Variants in BCL11A observed in about 807,000 individuals in gnomAD.
BCL11A encodes the protein B cell CLL/lymphoma 11A.
In BCL11A, 2 loss-of-function variants were observed where a neutral mutation model predicts 55.9. The ratio of observed to expected loss-of-function variants is 0.04; its 90% confidence interval spans 0.01 to 0.11. BCL11A has a LOEUF of 0.11. BCL11A is among the 10% of genes least tolerant of loss of function. The pLI is 1.00. For missense variants in BCL11A, 817 were observed against 1,137.1 expected (o/e 0.72, Z 4.05); for synonymous variants, 465 against 473.4 (o/e 0.98, Z 0.23).
intron 2 of BCL11A, among the ~76,000 whole-genome samples, chr2:60,494,878 G>T (rs1194734279): frequency 6.6e-6 from 1 of 152,162 alleles, no homozygotes; most frequent in Non-Finnish European, 1.5e-5. Flanking sequence ...AAAGGGAAAA[G>T]GGAGAGGAAA....
At chr2:60,467,813 C>G (rs941469397) in intron 3 of BCL11A, among the ~76,000 whole-genome samples, 2,222 of 46,708 alleles carry the variant, frequency 0.048, 11 homozygotes, top group East Asian at 0.26. Flanking sequence ...GGTGATGGTA[C>G]TGGTGGTGAT....
Position 60,546,835 on chromosome 2 carries a change from A to G in BCL11A, c.56-535T>C, listed in dbSNP as rs1047368211. 6.6e-6 allele frequency among the ~76,000 whole-genome samples: 1 copy of G among 151,276 alleles called. No homozygotes were observed. Among genetic ancestry groups the G allele is most frequent in the Admixed American group, 6.6e-5 (1 of 15,160 alleles). On this transcript the variant is annotated intron_variant, in intron 1 of 3. Coordinates refer to ENST00000642384, the MANE Select transcript of BCL11A (RefSeq NM_022893.4). The surrounding 1 kb of genome is among the most constrained non-coding windows in gnomAD (Gnocchi z 4.1). ...TGTATATACTCCTAAGTAAACAGAC[A>G]TGGCTTCATAAATTAGAAAGCTACT...
chr2:60,467,189 ATGG>A (rs1206647252), intron 3 of BCL11A, among the ~76,000 whole-genome samples: 3 of 51,168 alleles, frequency 5.9e-5, no homozygotes, highest in African/African-American at 1.6e-4. Flanking sequence ...GGTGGTGGTG[ATGG>A]TGGTGGTGAT....
rs139038738 is a variant in BCL11A, at chr2:60,461,726, G to T, written c.1186C>A (p.Arg396=). The T allele has an allele frequency of 2.9e-5, 46 of 1,614,036 alleles. No individual in the cohort carries two copies. Among genetic ancestry groups the T allele is most frequent in the Admixed American group, 2.8e-4 (17 of 60,032 alleles). ...FKFQSNLVVH[R]RSHTGEKPYK... Reference sequence around the variant, plus strand: ...GGCTTCTCGCCCGTGTGGCTGCGCCGGTGCACCACCAGGTTGCTCTGAAAT... The same window carrying T: ...GGCTTCTCGCCCGTGTGGCTGCGCCTGTGCACCACCAGGTTGCTCTGAAAT... Residue 396 remains arginine, a synonymous_variant, in exon 4 of 4, where the codon CGG becomes AGG. Coordinates refer to ENST00000642384, the MANE Select transcript of BCL11A (RefSeq NM_022893.4).
intron 3 of BCL11A, among the ~76,000 whole-genome samples, chr2:60,466,117 G>A (rs1376712983): frequency 6.6e-6 from 1 of 152,186 alleles, no homozygotes; most frequent in Non-Finnish European, 1.5e-5. Context: ...GCCAGCAGGG[G>A]CACCAGCAAA....
downstream of BCL11A, chr2:60,457,112 A>T: frequency 2.8e-6 from 1 of 353,766 alleles, no homozygotes; most frequent in Non-Finnish European, 4.0e-6. Flanking sequence ...AAAAAGACTG[A>T]CTGGCCTTCT....
rs1676267231 is a variant in BCL11A at position 60,461,338 on chromosome 2, T to A, written c.1574A>T (p.His525Leu). 2.5e-6 allele frequency: 4 copies of A among 1,592,380 alleles called. No individual in the cohort carries two copies. The highest frequency in any genetic ancestry group is 3.4e-6 in the Non-Finnish European group (4 of 1,174,988). ...GACCGCGCCCCGCGAGCTGTTCTCG[T>A]GGTGGCGCGCCGCCTCCAGGCTCAG... ...FGLSLEAARH[H>L]ENSSRGAVVG... The change falls in exon 4 of 4, where the codon CAC becomes CTC. Residue 525 changes from histidine to leucine, a missense_variant. His to Leu is a moderately conservative substitution (Grantham distance 99). Around this residue, in one of 4 missense-constraint regions of BCL11A, gnomAD observed 379 missense variants for 425.3 expected, o/e 0.89. Transcript: ENST00000642384.
intron 3 of BCL11A, 33 bp from the exon 4 acceptor site, chr2:60,462,457 T>C: frequency 6.4e-7 from 1 of 1,564,012 alleles, no homozygotes; most frequent in Non-Finnish European, 8.7e-7. Flanking sequence ...CATCAATGTT[T>C]AATCACTGAG....
chr2:60,512,809 C>G (rs779770806), intron 2 of BCL11A, among the ~76,000 whole-genome samples: 8 of 152,180 alleles, frequency 5.3e-5, no homozygotes, highest in Non-Finnish European at 7.4e-5. Context: ...GTATGAGTCA[C>G]CTCTGATGAC....
intron 2 of BCL11A, among the ~76,000 whole-genome samples, chr2:60,473,800 C>T (rs1677359231): frequency 6.6e-6 from 1 of 152,228 alleles, no homozygotes; most frequent in Non-Finnish European, 1.5e-5. Flanking sequence ...TTTATCATCA[C>T]TCACAGACTT....
At chr2:60,476,231 G>A (rs1018651899) in intron 2 of BCL11A, among the ~76,000 whole-genome samples, 2 of 152,218 alleles carry the variant, frequency 1.3e-5, no homozygotes, top group East Asian at 3.9e-4. Context: ...CCTGATGATG[G>A]ATTTCAACCT....
chr2:60,553,329 C>T lies in BCL11A; in HGVS notation c.-59G>A, dbSNP rs761499489. ...CGGCGGCGGCGGGCGGACGACGGCT[C>T]GGTTCACATCGGGAGAGCCGGGTTA... On this transcript the variant is annotated 5_prime_UTR_variant, in exon 1 of 4. Coordinates refer to ENST00000642384, the MANE Select transcript of BCL11A (RefSeq NM_022893.4). 65 of 1,497,238 alleles carry T rather than the reference C, an allele frequency of 4.3e-5. No homozygotes were observed. In the African/African-American group the frequency reaches 8.4e-4, roughly 19 times the overall value. 92.7% of individuals were successfully genotyped at this position (1,497,238 alleles called of 1,614,324 possible). A position where few individuals can be genotyped will look rare whatever the true frequency, so the allele number is the denominator to read the frequency against.
At chr2:60,504,747 T>A (rs1033289639) in intron 2 of BCL11A, among the ~76,000 whole-genome samples, 8 of 152,136 alleles carry the variant, frequency 5.3e-5, no homozygotes, top group Non-Finnish European at 1.2e-4. Context: ...ACAATGCCAA[T>A]CAAGTCTTGA....
chr2:60,510,879 A>G (rs1558655475), intron 2 of BCL11A, among the ~76,000 whole-genome samples: 1 of 152,216 alleles, frequency 6.6e-6, no homozygotes. Flanking sequence ...CTTTTGCATT[A>G]TAATGTAAAT....
intron 2 of BCL11A, among the ~76,000 whole-genome samples, chr2:60,473,148 G>A (rs1365955590): frequency 1.3e-5 from 2 of 152,010 alleles, no homozygotes; most frequent in African/African-American, 2.4e-5. Flanking sequence ...GCGTGTTCAT[G>A]TGTGTGTATA....
At chr2:60,473,116 A>C (rs182792941) in intron 2 of BCL11A, among the ~76,000 whole-genome samples, 1 of 151,544 alleles carries the variant, frequency 6.6e-6, no homozygotes. Flanking sequence ...ATGTGTTAGC[A>C]TGTGCATGCA....
At position 60,462,121 on chromosome 2, in the gene BCL11A, G is replaced by T; in HGVS notation, c.791C>A (p.Pro264His). The part of the protein sequence containing the change: ...LAEGRFPPTP[P>H]LFSPPPRHHL... ...ATGTCTCGGTGGTGGACTAAACAGG[G>T]GGGGAGTGGGTGGAAAGCGCCCTTC... The change falls in exon 4 of 4, where the codon CCC becomes CAC. Residue 264 changes from proline (P) to histidine (H), a missense_variant. By Grantham distance (77) the Pro-to-His change is moderately conservative (BLOSUM62 -2). Coordinates refer to ENST00000642384, the MANE Select transcript of BCL11A (RefSeq NM_022893.4). The T allele has an allele frequency of 1.3e-6, 2 of 1,554,168 alleles. No homozygotes were observed.
At chr2:60,535,143 A>C (rs1669613263) in intron 2 of BCL11A, 1 of 152,254 alleles carries the variant, frequency 6.6e-6, no homozygotes, top group African/African-American at 2.4e-5. Context: ...AATGAACTGA[A>C]GTCTGCCCAC....
chr2:60,552,520 C>G (rs1179008550), intron 1 of BCL11A, among the ~76,000 whole-genome samples: 1 of 152,202 alleles, frequency 6.6e-6, no homozygotes, highest in Non-Finnish European at 1.5e-5. Context: ...CAAAAGGCGG[C>G]AGTGCCGGCC....
Sources: allele counts gnomAD v4.1 joint callset (sites outside exome capture counted in the v4.1 genomes callset), GRCh38; gene constraint gnomAD v4.1.1; regional missense constraint gnomAD v4.1.1; non-coding constraint Gnocchi (gnomAD v3.1); transcripts MANE v1.5; gene names NCBI Gene and HGNC (gene_info 2026-07-23, HGNC 2026-07-21).